Variants in HEATR1 observed in about 807,000 individuals in gnomAD.
The protein encoded by HEATR1 is HEAT repeat containing 1.
A neutral mutation model predicts 248.2 loss-of-function variants in HEATR1; 77 were observed. The ratio of observed to expected loss-of-function variants is 0.31; its 90% CI spans 0.26 to 0.37. HEATR1 has a LOEUF of 0.37. Ranked by LOEUF, HEATR1 falls within the 10% of genes least tolerant of loss-of-function variation. The probability of loss-of-function intolerance (pLI) is 1.00; values close to 1 mark genes in which losing one functional copy is unlikely to be tolerated. For missense variants in HEATR1, 2,420 were observed against 2,504.9 expected (o/e 0.97, Z 0.72); for synonymous variants, 897 against 923.1 (o/e 0.97, Z 0.51).
chr1:236,576,109 T>C, intron 22 of HEATR1, 110 bp downstream of exon 22: 1 of 756,928 alleles, frequency 1.3e-6, no homozygotes, highest in Non-Finnish European at 2.0e-6. Flanking sequence ...CATTTATCTC[T>C]TCTGAGCGCA....
intron 20 of HEATR1, among the ~76,000 whole-genome samples, chr1:236,577,567 C>A (rs1572043069): frequency 2.0e-5 from 3 of 150,966 alleles, no homozygotes; most frequent in East Asian, 1.9e-4. Context: ...CGGCTCACTG[C>A]AACCTCTGCC....
chr1:236,585,030 C>A lies in HEATR1; in HGVS notation c.2236G>T (p.Ala746Ser). 1 of 1,612,100 alleles carries A rather than the reference C, an allele frequency of 6.2e-7. No homozygotes were observed. The highest frequency in any genetic ancestry group is 8.5e-7 in the Non-Finnish European group (1 of 1,179,194). ...GGAGATTCTGCTTTCCTTACCACTG[C>A]AGTAATGACACTTTCAAGCTTCTTT... The part of the protein sequence containing the change: ...KIKKLESVIT[A>S]VEIPSEWHIE... The change falls in exon 17 of 45, where the codon GCA becomes TCA. Residue 746 changes from alanine to serine, a missense_variant. By Grantham distance (99) the Ala-to-Ser change is moderately conservative. Transcript: ENST00000366582.
chr1:236,603,618 C>T (rs915177484), intron 2 of HEATR1, among the ~76,000 whole-genome samples: 1 of 149,200 alleles, frequency 6.7e-6, no homozygotes, highest in African/African-American at 2.5e-5. Context: ...TTTGGATATC[C>T]CCTACAATAA....
chr1:236,600,904 C>A (rs1163513762), intron 3 of HEATR1, among the ~76,000 whole-genome samples: 1 of 152,174 alleles, frequency 6.6e-6, no homozygotes, highest in South Asian at 2.1e-4. Context: ...CCAGGCAGAA[C>A]TATATCCACA....
chr1:236,559,488 A>C (rs1363126220), intron 34 of HEATR1, among the ~76,000 whole-genome samples: 1 of 152,256 alleles, frequency 6.6e-6, no homozygotes, highest in Non-Finnish European at 1.5e-5. Flanking sequence ...TATATGACTT[A>C]ATTATTAAAA....
In HEATR1 at chr1:236,557,368, A is replaced by G. The variant is rs1427666602; in HGVS notation, c.5205-23T>C. ...AGGCTAGAAACAAAGTAAGAGCTTT[A>G]GAAGAACTTGAAGCAGAAACAGAGG... On this transcript the variant is annotated intron_variant, in intron 36 of 44. Transcript: ENST00000366582. 2.5e-6 allele frequency: 4 copies of G among 1,610,850 alleles called. No homozygotes were observed. In the African/African-American group the frequency reaches 5.3e-5, roughly 22 times the overall value.
Position 236,554,586 on chromosome 1 carries a change from C to T in HEATR1, c.6078+12G>A. The T allele has an allele frequency of 6.2e-7, 1 of 1,608,874 alleles. No individual in the cohort carries two copies. The highest frequency in any genetic ancestry group is 8.5e-7 in the Non-Finnish European group (1 of 1,178,608). ...GCTTCCTCAGCAACGAAAGATGATT[C>T]TGTTTGGTTACCTGATCCACCAGAG... On this transcript the variant is annotated intron_variant, in intron 42 of 44. Coordinates refer to ENST00000366582, the MANE Select transcript of HEATR1 (RefSeq NM_018072.6).
chr1:236,597,125 C>CAA (rs59433755), intron 5 of HEATR1, 149 bp from the exon 6 acceptor site: 159,017 of 374,842 alleles, frequency 0.42, 22,356 homozygotes, highest in Non-Finnish European at 0.46. Context: ...TCCATGTCTC[C>CAA]AAAAAAAAAA....
At chr1:236,591,741 C>A (rs16834016) in intron 11 of HEATR1, among the ~76,000 whole-genome samples, 92,897 of 151,598 alleles carry the variant, frequency 0.61, 30,185 homozygotes, top group East Asian at 0.72. Context: ...ATATCCCATA[C>A]AAAATTCTCA....
chr1:236,600,521 T>C (rs958979697), intron 3 of HEATR1, among the ~76,000 whole-genome samples: 2 of 151,688 alleles, frequency 1.3e-5, no homozygotes, highest in Non-Finnish European at 2.9e-5. Context: ...AACAGTACCA[T>C]ACATTGCCTT....
chr1:236,556,013 AC>A (rs1662965446), intron 38 of HEATR1, 74 bp from the exon 39 acceptor site: 1 of 1,606,276 alleles, frequency 6.2e-7, no homozygotes, highest in South Asian at 1.1e-5. Flanking sequence ...ATTTTTAAAA[AC>A]TAAATCTTCT....
Position 236,599,574 on chromosome 1 carries a change from G to A in HEATR1, c.410C>T (p.Pro137Leu). ...NQDSLIACVL[P>L]YHETRIFVRV... is the part of the protein sequence containing the mutation. ...CACAAATATTCTTGTCTCGTGGTAT[G>A]GCAGAACACAAGCAATGAGGCTATC... The change falls in exon 4 of 45, where the codon CCA (proline) becomes CTA (leucine). Residue 137 changes from proline (P) to leucine (L), a missense_variant. Pro to Leu is a moderately conservative substitution (Grantham distance 98). Coordinates refer to ENST00000366582, the MANE Select transcript of HEATR1 (RefSeq NM_018072.6). The A allele has an allele frequency of 1.9e-6, 3 of 1,613,572 alleles. No individual in the cohort carries two copies. Among genetic ancestry groups the A allele is most frequent in the South Asian group, 1.1e-5 (1 of 91,052 alleles).
rs1300385823 is a variant in HEATR1 at position 236,558,510 on chromosome 1, A to G, written c.4931T>C (p.Leu1644Pro). Residue 1644 changes from leucine to proline, a missense_variant, in exon 36 of 45, where the codon CTG becomes CCG. Coordinates refer to ENST00000366582, the MANE Select transcript of HEATR1 (RefSeq NM_018072.6). Reference protein sequence around the residue: ...KKTIVTRFLKLVPDLLAIVQR... With the variant: ...KKTIVTRFLKPVPDLLAIVQR... The stretch of plus-strand genomic sequence containing the variant: ...CACAATGGCCAAAAGGTCTGGAACC[A>G]GTTTTAGGAAACGGGTAACCTGAAG... 6.2e-7 allele frequency: 1 copy of G among 1,612,340 alleles called. No homozygotes were observed.
chr1:236,558,959 G>A (rs910015774), intron 35 of HEATR1, 36 bp downstream of exon 35: 8 of 1,534,716 alleles, frequency 5.2e-6, no homozygotes, highest in East Asian at 4.6e-5. Flanking sequence ...ATAAAGCAAA[G>A]TACAGTAAAT....
At chr1:236,576,101 T>G in intron 22 of HEATR1, 118 bp downstream of exon 22, 2 of 669,400 alleles carry the variant, frequency 3.0e-6, no homozygotes, top group Non-Finnish European at 2.3e-6. Flanking sequence ...TAATATTACA[T>G]TTATCTCTTC....
At chr1:236,553,286 A>C (rs962993624) in intron 43 of HEATR1, among the ~76,000 whole-genome samples, 1 of 152,250 alleles carries the variant, frequency 6.6e-6, no homozygotes, top group African/African-American at 2.4e-5. Context: ...AATTACTTCA[A>C]ATCTTTGTTA....
chr1:236,576,648 T>C (rs1663567799), intron 21 of HEATR1, 132 bp downstream of exon 21: 8 of 794,654 alleles, frequency 1.0e-5, no homozygotes. Context: ...GTACAGATAT[T>C]GACCTATCAG....
intron 33 of HEATR1, 56 bp downstream of exon 33, chr1:236,561,169 T>G (rs111927994): frequency 3.5e-5 from 43 of 1,230,124 alleles, no homozygotes; most frequent in Non-Finnish European, 5.1e-5. Flanking sequence ...TTCCAGGTTT[T>G]CTATAAGTTT....
At chr1:236,577,618 A>G (rs1663599000) in intron 20 of HEATR1, among the ~76,000 whole-genome samples, 1 of 151,352 alleles carries the variant, frequency 6.6e-6, no homozygotes, top group Non-Finnish European at 1.5e-5. Context: ...CCTCCCAAGT[A>G]GCTGGGATTA....
Sources: gnomAD v4.1 joint callset for allele counts (sites outside exome capture counted in the v4.1 genomes callset) on GRCh38, gnomAD v4.1.1 for gene constraint, MANE v1.5 for transcripts, NCBI Gene and HGNC (gene_info 2026-07-23, HGNC 2026-07-21) for gene names.